Variants in VPS13C observed in about 807,000 individuals in gnomAD.
VPS13C encodes vacuolar protein sorting 13 homolog C.
VPS13C carries 358 observed loss-of-function variants against 456.8 expected under a neutral mutation model. That is an observed-to-expected ratio of 0.78 (90% CI 0.72 to 0.86). VPS13C has a LOEUF of 0.86. VPS13C is among the 40% of genes least tolerant of loss of function. VPS13C has a pLI of 0.00. For synonymous variants in VPS13C, 1,578 were observed against 1,486.7 expected, an observed-to-expected ratio of 1.06 and a Z score of -1.41; for missense variants, 4,818 against 4,385.4, an observed-to-expected ratio of 1.10 and a Z score of -2.79.
chr15:61,959,359 AAG>A, intron 36 of VPS13C, 87 bp downstream of exon 36: 1 of 1,214,780 alleles, frequency 8.2e-7, no homozygotes, highest in Non-Finnish European at 1.1e-6. Context: ...TATTCAGCAA[AAG>A]AGTCTACATT....
intron 66 of VPS13C, among the ~76,000 whole-genome samples, chr15:61,904,700 T>C (rs563286234): frequency 6.6e-6 from 1 of 152,230 alleles, no homozygotes; most frequent in South Asian, 2.1e-4. Context: ...TGCAACACTA[T>C]TCACAATAGC....
intron 45 of VPS13C, 83 bp from the exon 46 acceptor site, chr15:61,942,150 CTAAA>C (rs1332751153): frequency 5.6e-6 from 7 of 1,247,228 alleles, no homozygotes; most frequent in Non-Finnish European, 7.7e-6. Flanking sequence ...ACTTTAAAAA[CTAAA>C]TAAAAAAGTA....
intron 23 of VPS13C, 124 bp downstream of exon 23, chr15:61,978,502 C>T: frequency 8.6e-7 from 1 of 1,163,524 alleles, no homozygotes; most frequent in Non-Finnish European, 1.2e-6. Flanking sequence ...TTTATTTAAG[C>T]AGCCAAAAGA....
intron 5 of VPS13C, among the ~76,000 whole-genome samples, chr15:62,029,739 CT>C (rs985198955): frequency 1.3e-5 from 2 of 151,802 alleles, no homozygotes; most frequent in Non-Finnish European, 2.9e-5. Context: ...TGGCATCAGA[CT>C]TTTTTTTAAA....
At chr15:62,043,261 A>C (rs530371164) in intron 2 of VPS13C, among the ~76,000 whole-genome samples, 29 of 152,222 alleles carry the variant, frequency 1.9e-4, no homozygotes, top group Non-Finnish European at 3.5e-4. Context: ...ATTGTTTTAT[A>C]ATTAACTTCA....
At chr15:61,994,225 C>T (rs2046308543) in intron 16 of VPS13C, among the ~76,000 whole-genome samples, 1 of 152,160 alleles carries the variant, frequency 6.6e-6, no homozygotes, top group Non-Finnish European at 1.5e-5. Flanking sequence ...ATCCATCCTT[C>T]TTTGTCTACT....
At position 61,954,486 on chromosome 15, in the gene VPS13C, T is replaced by C. The variant is rs145494671; in HGVS notation, c.4234A>G (p.Thr1412Ala). The C allele has an allele frequency of 1.2e-6, 2 of 1,609,920 alleles. No individual in the cohort carries two copies. The highest frequency in any genetic ancestry group is 8.5e-7 in the Non-Finnish European group (1 of 1,178,332). Residue 1412 changes from threonine (T) to alanine (A), a missense_variant, in exon 38 of 85, where the codon ACT becomes GCT. By Grantham distance (58) the Thr-to-Ala change is moderately conservative. This residue lies in a region of VPS13C where 4,552 missense variants were observed against 4,130.6 expected (regional missense o/e 1.10). Coordinates refer to ENST00000644861, the MANE Select transcript of VPS13C (RefSeq NM_020821.3). ...ACAGACCTAATTTCTTCCACTCCAG[T>C]TGTTAAAGTATTTTTTGAATCATGT... ...DVHDSKNTLTTGVEEIRSVDI... is the reference protein window; with the variant it reads ...DVHDSKNTLTAGVEEIRSVDI...
At chr15:62,038,483 A>G (rs1468564693) in intron 3 of VPS13C, among the ~76,000 whole-genome samples, 1 of 152,124 alleles carries the variant, frequency 6.6e-6, no homozygotes, top group Non-Finnish European at 1.5e-5. Flanking sequence ...GCAACTTGGG[A>G]GGCAAAGGTG....
At chr15:61,911,661 T>C (rs2043305096) in intron 63 of VPS13C, among the ~76,000 whole-genome samples, 179 bp downstream of exon 63, 1 of 152,180 alleles carries the variant, frequency 6.6e-6, no homozygotes, top group Non-Finnish European at 1.5e-5. Flanking sequence ...GGCTAGTGTA[T>C]TATCAAAACT....
At chr15:61,871,962 T>C in intron 79 of VPS13C, 27 bp downstream of exon 79, 1 of 1,603,924 alleles carries the variant, frequency 6.2e-7, no homozygotes, top group Non-Finnish European at 8.5e-7. Flanking sequence ...TCAGACTTTG[T>C]AAAGGAAGGA....
At position 61,921,994 on chromosome 15, in the gene VPS13C, G is replaced by T. The variant is rs1364083199; in HGVS notation, c.7015C>A (p.Leu2339Met). The T allele has an allele frequency of 6.2e-7, 1 of 1,613,476 alleles. No individual in the cohort carries two copies. The highest frequency in any genetic ancestry group is 8.5e-7 in the Non-Finnish European group (1 of 1,179,668). Residue 2339 changes from leucine to methionine, a missense_variant, in exon 55 of 85, where the codon CTG (leucine) becomes ATG (methionine). Physicochemically the swap from Leu to Met is conservative, Grantham distance 15. Around this residue, in one of 3 missense-constraint regions of VPS13C, gnomAD observed 4,552 missense variants for 4,130.6 expected, o/e 1.10. Coordinates refer to ENST00000644861, the MANE Select transcript of VPS13C (RefSeq NM_020821.3). ...CTCTTCCCCTCCACTCTCTCAATCA[G>T]TGGCTCCCAGACAGCATGGATCTCA... Reference protein sequence around the residue: ...YNEIHAVWEPLIERVEGKRQW... With the variant: ...YNEIHAVWEPMIERVEGKRQW...
At chr15:62,015,883 T>A (rs2047223851) in intron 9 of VPS13C, among the ~76,000 whole-genome samples, 4 of 133,752 alleles carry the variant, frequency 3.0e-5, no homozygotes, top group African/African-American at 5.6e-5. Flanking sequence ...TGTATACATA[T>A]GTAACTAACC....
Position 62,020,485 on chromosome 15 carries a change from A to C in VPS13C, c.678T>G (p.Ser226Arg). The C allele has an allele frequency of 6.2e-7, 1 of 1,610,946 alleles. No homozygotes were observed. Among genetic ancestry groups the C allele is most frequent in the South Asian group, 1.1e-5 (1 of 90,808 alleles). The change falls in exon 9 of 85, where the codon AGT (serine) becomes AGG (arginine). Residue 226 changes from serine to arginine, a missense_variant. Transcript: ENST00000644861. ...AAAATAAAGCAAACATTACCAGTAG[A>C]CTAAGCTCTCCCAGTGTGACACCAA... ...LSFGVTLGEL[S>R]LLTANEHWTP...
intron 18 of VPS13C, among the ~76,000 whole-genome samples, chr15:61,990,076 A>G (rs1442299248): frequency 6.6e-6 from 1 of 152,250 alleles, no homozygotes; most frequent in Non-Finnish European, 1.5e-5. Context: ...AGTAAAATAC[A>G]TCTACTGCAA....
chr15:62,029,216 A>G (rs2047732839), intron 5 of VPS13C, among the ~76,000 whole-genome samples: 1 of 152,108 alleles, frequency 6.6e-6, no homozygotes, highest in Non-Finnish European at 1.5e-5. Flanking sequence ...CACCTATATC[A>G]AATGTGACTA....
At chr15:61,969,230 A>T in intron 28 of VPS13C, 69 bp downstream of exon 28, 2 of 1,104,016 alleles carry the variant, frequency 1.8e-6, no homozygotes, top group Non-Finnish European at 2.6e-6. Context: ...AATATAAATG[A>T]AAGTGTTTCA....
At chr15:61,964,922 C>G (rs964157404) in intron 30 of VPS13C, 61 bp from the exon 31 acceptor site, 3 of 1,473,158 alleles carry the variant, frequency 2.0e-6, no homozygotes, top group East Asian at 2.3e-5. Context: ...GTAGTCTCCA[C>G]GACAGACCCA....
chr15:61,977,993 C>T lies in VPS13C; in HGVS notation c.2290+633G>A, dbSNP rs557380310. Among the ~76,000 whole-genome samples the T allele has an allele frequency of 5.3e-5, 8 of 151,996 alleles. No individual in the cohort carries two copies. The East Asian group carries it at 7.7e-4, about 15-fold the overall frequency. ...CCTTTCCTCTAATGACCTACCACAA[C>T]GTGATACTATGATCAAGGATAATTA... On this transcript the variant is annotated intron_variant, in intron 23 of 84. Coordinates refer to ENST00000644861, the MANE Select transcript of VPS13C (RefSeq NM_020821.3).
intron 24 of VPS13C, 34 bp downstream of exon 24, chr15:61,977,048 T>C: frequency 3.4e-6 from 5 of 1,463,466 alleles, no homozygotes; most frequent in Non-Finnish European, 4.7e-6. Context: ...TTTCACCTGT[T>C]GATTTTCTAA....
Sources: gnomAD v4.1 joint callset for allele counts (sites outside exome capture counted in the v4.1 genomes callset) on GRCh38, gnomAD v4.1.1 for gene constraint, gnomAD v4.1.1 regional missense constraint, MANE v1.5 for transcripts, NCBI Gene and HGNC (gene_info 2026-07-23, HGNC 2026-07-21) for gene names.